Variants in LYPD6 observed in about 807,000 individuals in gnomAD.
LYPD6 encodes the protein ly6/PLAUR domain-containing protein 6.
A neutral mutation model predicts 22.7 loss-of-function variants in LYPD6; 15 were observed. The observed-to-expected ratio is 0.66, with a 90% CI of 0.44 to 1.02. The LOEUF (loss-of-function observed/expected upper bound fraction) is 1.02. Ranked by LOEUF, LYPD6 falls within the 50% of genes least tolerant of loss-of-function variation. LYPD6 has a pLI of 0.00. For synonymous variants in LYPD6, 72 were observed against 77.5 expected, an observed-to-expected ratio of 0.93 and a Z score of 0.37; for missense variants, 189 against 208.4, an observed-to-expected ratio of 0.91 and a Z score of 0.57.
chr2:149,347,184 G>A (rs1681273688), intron 1 of LYPD6, among the ~76,000 whole-genome samples: 1 of 152,044 alleles, frequency 6.6e-6, no homozygotes, highest in Non-Finnish European at 1.5e-5. Context: ...AAGAGGAGGA[G>A]GAGGTGGAGG....
At chr2:149,374,242 A>G (rs1681869246) in intron 1 of LYPD6, among the ~76,000 whole-genome samples, 1 of 152,248 alleles carries the variant, frequency 6.6e-6, no homozygotes, top group Non-Finnish European at 1.5e-5. Context: ...ACTAAAATAC[A>G]TAGACTGAGA....
At chr2:149,381,080 G>T (rs1272403876) in intron 1 of LYPD6, among the ~76,000 whole-genome samples, 1 of 152,180 alleles carries the variant, frequency 6.6e-6, no homozygotes, top group Non-Finnish European at 1.5e-5. Flanking sequence ...TGTTTGGGTG[G>T]TGTGGTGGGG....
At chr2:149,439,505 A>G (rs537397197) in intron 2 of LYPD6, among the ~76,000 whole-genome samples, 1 of 152,306 alleles carries the variant, frequency 6.6e-6, no homozygotes, top group African/African-American at 2.4e-5. Flanking sequence ...TTCCTTCTCA[A>G]CTTCAGTGAC....
At chr2:149,423,244 T>A (rs1386033043) in intron 1 of LYPD6, among the ~76,000 whole-genome samples, 1 of 152,124 alleles carries the variant, frequency 6.6e-6, no homozygotes, top group Non-Finnish European at 1.5e-5. Flanking sequence ...TCAGGTGGGA[T>A]GTGGAGGTCA....
intron 1 of LYPD6, among the ~76,000 whole-genome samples, chr2:149,381,011 A>G (rs769399683): frequency 4.6e-5 from 7 of 152,156 alleles, no homozygotes; most frequent in African/African-American, 1.2e-4. Context: ...TAAGATGACA[A>G]CTGAGAACTG....
At chr2:149,397,398 A>C (rs1247716058) in intron 1 of LYPD6, among the ~76,000 whole-genome samples, 1 of 152,182 alleles carries the variant, frequency 6.6e-6, no homozygotes, top group Non-Finnish European at 1.5e-5. Flanking sequence ...TGCTAACTCA[A>C]GGTTCCCAGA....
chr2:149,399,743 T>A (rs981189099), intron 1 of LYPD6, among the ~76,000 whole-genome samples: 3 of 151,128 alleles, frequency 2.0e-5, no homozygotes, highest in Non-Finnish European at 4.4e-5. Context: ...TAAAAATAAG[T>A]ACATAATGAA....
Position 149,473,916 on chromosome 2 carries a change from A to G in LYPD6, c.*3066A>G, listed in dbSNP as rs1681400571. ...GTCTTTGTTAAATCAGGAAATATAA[A>G]AATTATGTGTGTATGTGTATGTATA... On this transcript the variant is annotated 3_prime_UTR_variant, in exon 5 of 5. Transcript: ENST00000334166. 1 of 152,166 alleles carries G rather than the reference A, an allele frequency of 6.6e-6. No individual in the cohort carries two copies. The highest frequency in any genetic ancestry group is 6.5e-5 in the Admixed American group (1 of 15,280). The allele number at this position is 152,166 out of a possible 1,614,324, so 9.4% of individuals were successfully genotyped here. A position where few individuals can be genotyped will look rare whatever the true frequency, so the allele number is the denominator to read the frequency against.
At chr2:149,348,488 G>C (rs919319880) in intron 1 of LYPD6, among the ~76,000 whole-genome samples, 1 of 152,194 alleles carries the variant, frequency 6.6e-6, no homozygotes, top group Non-Finnish European at 1.5e-5. Flanking sequence ...CTAAGGGAGA[G>C]AGCCCTGAGG....
intron 3 of LYPD6, among the ~76,000 whole-genome samples, chr2:149,466,041 C>T (rs541337625): frequency 6.6e-6 from 1 of 152,122 alleles, no homozygotes; most frequent in African/African-American, 2.4e-5. Context: ...CATTACTAAC[C>T]CAAGGAGTTT....
intron 1 of LYPD6, among the ~76,000 whole-genome samples, chr2:149,390,229 C>G (rs567126530): frequency 6.6e-6 from 1 of 152,172 alleles, no homozygotes; most frequent in African/African-American, 2.4e-5. Context: ...GTCCTTCAGC[C>G]CCACCATTTA....
intron 1 of LYPD6, among the ~76,000 whole-genome samples, chr2:149,336,470 C>G (rs1433371571): frequency 6.6e-6 from 1 of 152,284 alleles, no homozygotes; most frequent in African/African-American, 2.4e-5. Flanking sequence ...CTAGTAGTCT[C>G]TCAGCTCTCT....
intron 1 of LYPD6, among the ~76,000 whole-genome samples, chr2:149,349,226 C>A (rs1022996378): frequency 1.3e-5 from 2 of 152,008 alleles, no homozygotes; most frequent in Admixed American, 6.6e-5. Flanking sequence ...CAGTAAAAGC[C>A]ATAAAAGGGG....
In LYPD6 at chr2:149,414,332, A is replaced by T. The variant is rs141700947; in HGVS notation, c.-71-23306A>T. Reference sequence around the variant, plus strand: ...CTGTTAATATTTCTTAAATTCTCACATTCTACAGTTTTGTAATGACAAACT... The same window carrying T: ...CTGTTAATATTTCTTAAATTCTCACTTTCTACAGTTTTGTAATGACAAACT... On this transcript the variant is annotated intron_variant, in intron 1 of 4. Coordinates refer to ENST00000334166, the MANE Select transcript of LYPD6 (RefSeq NM_194317.5). Among the ~76,000 whole-genome samples, 294 of 152,338 alleles carry T rather than the reference A, an allele frequency of 1.9e-3. 4 individuals carry two copies. In the East Asian group the frequency reaches 0.049, roughly 26 times the overall value.
In LYPD6 at chr2:149,473,547, A is replaced by C. The variant is rs1024189710; in HGVS notation, c.*2697A>C. On this transcript the variant is annotated 3_prime_UTR_variant, in exon 5 of 5. Transcript: ENST00000334166. Reference sequence around the variant, plus strand: ...TATTTTTAGACTCTCCACAGCATTCATGTCAATATGGGATTAATGCCTAAA... The same window carrying C: ...TATTTTTAGACTCTCCACAGCATTCCTGTCAATATGGGATTAATGCCTAAA... 6.6e-6 allele frequency: 1 copy of C among 152,422 alleles called. No homozygotes were observed. Among genetic ancestry groups the C allele is most frequent in the Non-Finnish European group, 1.5e-5 (1 of 68,048 alleles). The allele number at this position is 152,422 out of a possible 1,614,324, so 9.4% of individuals were successfully genotyped here. A position where few individuals can be genotyped will look rare whatever the true frequency, so the allele number is the denominator to read the frequency against.
chr2:149,419,310 G>T (rs1426843876), intron 1 of LYPD6, among the ~76,000 whole-genome samples: 1 of 152,122 alleles, frequency 6.6e-6, no homozygotes, highest in Non-Finnish European at 1.5e-5. Flanking sequence ...TAACGTTGAT[G>T]TGTTGGTATT....
At chr2:149,421,304 T>C (rs1332085283) in intron 1 of LYPD6, among the ~76,000 whole-genome samples, 1 of 150,276 alleles carries the variant, frequency 6.7e-6, no homozygotes, top group Non-Finnish European at 1.5e-5. Context: ...GCAAGAGAAT[T>C]GCTTGAACTT....
At chr2:149,478,399 T>TGTGTGTGTGTGTGC (rs1491190671), downstream of LYPD6, among the ~76,000 whole-genome samples, 150 of 150,086 alleles carry the variant, frequency 1.0e-3, no homozygotes, top group Admixed American at 1.9e-3. Context: ...TGTGTGTGTG[T>TGTGTGTGTGTGTGC]GCGCGCACGC....
chr2:149,470,716 A>G lies in LYPD6; in HGVS notation c.382A>G (p.Asn128Asp). 1 of 1,613,706 alleles carries G rather than the reference A, an allele frequency of 6.2e-7. No individual in the cohort carries two copies. Among genetic ancestry groups the G allele is most frequent in the Non-Finnish European group, 8.5e-7 (1 of 1,179,754 alleles). Residue 128 changes from asparagine to aspartate, a missense_variant, in exon 5 of 5, where the codon AAC becomes GAC. Transcript: ENST00000334166. The part of the protein sequence containing the change: ...CTSCCEGNIC[N>D]LPLPRNETDA... ...TTCTTGTTGTGAAGGAAATATCTGT[A>G]ACTTGCCACTGCCCCGAAATGAAAC... is the stretch of plus-strand genomic sequence containing the variant.
Sources: gnomAD v4.1 joint callset for allele counts (sites outside exome capture counted in the v4.1 genomes callset) on GRCh38, gnomAD v4.1.1 for gene constraint, MANE v1.5 for transcripts, NCBI Gene and HGNC (gene_info 2026-07-23, HGNC 2026-07-21) for gene names.